The following CNTNAP5 variants were observed in gnomAD, a reference collection of about 807,000 sequenced individuals.
CNTNAP5 encodes contactin-associated protein-like 5.
In CNTNAP5, 72 loss-of-function variants were observed where a neutral mutation model predicts 150.2. That is an observed-to-expected ratio of 0.48 (90% CI 0.40 to 0.58). CNTNAP5 has a LOEUF of 0.58. Ranked by LOEUF, CNTNAP5 falls within the 20% of genes least tolerant of loss-of-function variation. The probability of loss-of-function intolerance (pLI) is 0.00; values close to 1 mark genes in which losing one functional copy is unlikely to be tolerated. For synonymous variants in CNTNAP5, 672 were observed against 619.8 expected, an observed-to-expected ratio of 1.08 and a Z score of -1.25; for missense variants, 1,636 against 1,626.2, an observed-to-expected ratio of 1.01 and a Z score of -0.10.
intron 13 of CNTNAP5, among the ~76,000 whole-genome samples, chr2:124,656,726 A>G (rs1471432794): frequency 6.6e-6 from 1 of 152,232 alleles, no homozygotes; most frequent in Non-Finnish European, 1.5e-5. Context: ...CCAAGAATCA[A>G]CACTCAGACA....
chr2:124,727,549 T>C (rs931990182), intron 13 of CNTNAP5, among the ~76,000 whole-genome samples: 2 of 152,152 alleles, frequency 1.3e-5, no homozygotes, highest in African/African-American at 4.8e-5. Context: ...GTTACATTTA[T>C]TTCTAAGTAA....
intron 17 of CNTNAP5, among the ~76,000 whole-genome samples, chr2:124,774,769 T>C (rs1573608732): frequency 6.6e-6 from 1 of 152,216 alleles, no homozygotes; most frequent in Admixed American, 6.6e-5. Flanking sequence ...GAAAGGTATA[T>C]ATAAAGACGG....
intron 3 of CNTNAP5, among the ~76,000 whole-genome samples, chr2:124,305,933 T>C (rs558065514): frequency 7.1e-4 from 108 of 152,314 alleles, no homozygotes; most frequent in African/African-American, 2.4e-3. Context: ...CATTTTATTA[T>C]TTGCCTATAT....
intron 14 of CNTNAP5, among the ~76,000 whole-genome samples, chr2:124,754,804 C>T (rs1027472301): frequency 9.2e-5 from 14 of 152,058 alleles, no homozygotes; most frequent in African/African-American, 2.9e-4. Flanking sequence ...CCTCACGCGT[C>T]GAACTCTCAA....
chr2:124,121,806 G>T, intron 1 of CNTNAP5, among the ~76,000 whole-genome samples: 1 of 152,152 alleles, frequency 6.6e-6, no homozygotes, highest in South Asian at 2.1e-4. Flanking sequence ...TCCCTTATAT[G>T]AACATCAGCT....
At chr2:124,211,584 G>C (rs1318248972) in intron 1 of CNTNAP5, among the ~76,000 whole-genome samples, 1 of 151,884 alleles carries the variant, frequency 6.6e-6, no homozygotes, top group Non-Finnish European at 1.5e-5. Flanking sequence ...CACTCCTTCT[G>C]TCTCTGGGCT....
intron 1 of CNTNAP5, among the ~76,000 whole-genome samples, chr2:124,135,338 C>A (rs969198722): frequency 2.6e-5 from 4 of 152,204 alleles, no homozygotes; most frequent in Non-Finnish European, 4.4e-5. Flanking sequence ...AGTTTTCCAC[C>A]AAAGCCAGAC....
At chr2:124,115,009 G>T (rs978696984) in intron 1 of CNTNAP5, among the ~76,000 whole-genome samples, 7 of 151,868 alleles carry the variant, frequency 4.6e-5, no homozygotes, top group Middle Eastern at 3.8e-3. Context: ...TATATCTAGA[G>T]ATCTAAATAT....
At chr2:124,862,676 C>T (rs1677550296) in intron 19 of CNTNAP5, among the ~76,000 whole-genome samples, 1 of 152,222 alleles carries the variant, frequency 6.6e-6, no homozygotes, top group South Asian at 2.1e-4. Flanking sequence ...AACAAAGCCA[C>T]TGAAGAAGAC....
rs1694534107 is a variant in CNTNAP5, at chr2:124,510,283, A to ATATATATC, written c.1327+5728_1327+5729insATATATCT. On this transcript the variant is annotated intron_variant, in intron 8 of 23. Transcript: ENST00000682447. ...TATATATCTATATATCTATATCTAT[A>ATATATATC]TCTATATATCTATATATCTATATAT... 4.5e-4 allele frequency among the ~76,000 whole-genome samples: 5 copies of ATATATATC among 11,074 alleles called. No individual in the cohort carries two copies. In the Admixed American group the frequency reaches 6.6e-3, roughly 15 times the overall value. The allele number at this position is 11,074 out of a possible 152,430, so 7.3% of individuals were successfully genotyped here.
rs149189262 is a variant in CNTNAP5 at position 124,120,631 on chromosome 2, G to A, written c.82+94899G>A. On this transcript the variant is annotated intron_variant, in intron 1 of 23. Coordinates refer to ENST00000682447, the MANE Select transcript of CNTNAP5 (RefSeq NM_001367498.1). ...TGTCCCAACCAACCAACCAAACCAC[G>A]TAAGGACAGAACCTCGACTGCAATG... Among the ~76,000 whole-genome samples the A allele has an allele frequency of 5.1e-4, 78 of 152,204 alleles. 1 individual carries two copies. The highest frequency in any genetic ancestry group is 6.8e-3 in the Middle Eastern group (2 of 294).
intron 1 of CNTNAP5, among the ~76,000 whole-genome samples, chr2:124,155,698 T>C (rs957224094): frequency 5.3e-5 from 8 of 152,314 alleles, no homozygotes; most frequent in African/African-American, 1.9e-4. Context: ...TTAACATGCA[T>C]AACTTGTAGA....
intron 11 of CNTNAP5, among the ~76,000 whole-genome samples, chr2:124,606,810 A>C (rs1188918386): frequency 6.6e-6 from 1 of 152,188 alleles, no homozygotes; most frequent in Non-Finnish European, 1.5e-5. Context: ...AGCTCAGGAA[A>C]GACCCGCCCC....
chr2:124,490,195 A>G (rs537733024), intron 7 of CNTNAP5, among the ~76,000 whole-genome samples: 2 of 152,136 alleles, frequency 1.3e-5, no homozygotes, highest in African/African-American at 4.8e-5. Flanking sequence ...TTAGCCAGGC[A>G]TGGTGGTGTA....
intron 13 of CNTNAP5, among the ~76,000 whole-genome samples, chr2:124,713,377 T>TTCTTTCTA: frequency 7.2e-6 from 1 of 139,228 alleles, no homozygotes; most frequent in African/African-American, 2.7e-5. Flanking sequence ...CTTTCTTTCT[T>TTCTTTCTA]TCTTCTCCCT....
intron 6 of CNTNAP5, among the ~76,000 whole-genome samples, chr2:124,468,337 G>A (rs2104827650): frequency 6.6e-6 from 1 of 152,234 alleles, no homozygotes; most frequent in South Asian, 2.1e-4. Context: ...TCAGCCTGTG[G>A]CAGAAGGCCC....
intron 11 of CNTNAP5, among the ~76,000 whole-genome samples, chr2:124,586,300 T>C (rs1504020): frequency 0.5 from 75,474 of 151,946 alleles, 19,198 homozygotes; most frequent in East Asian, 0.72. Flanking sequence ...GTCCCCAAAT[T>C]TTCTGAGTTA....
intron 1 of CNTNAP5, among the ~76,000 whole-genome samples, chr2:124,197,598 A>C (rs1278007050): frequency 3.3e-5 from 5 of 152,192 alleles, no homozygotes; most frequent in Non-Finnish European, 2.9e-5. Flanking sequence ...TTTACCTAGC[A>C]ATGGGATTTC....
At chr2:124,850,747 T>G (rs1056494658) in intron 19 of CNTNAP5, among the ~76,000 whole-genome samples, 9 of 151,706 alleles carry the variant, frequency 5.9e-5, no homozygotes, top group African/African-American at 2.2e-4. Context: ...AGAGAGAGAA[T>G]GAATGACCAG....
Sources: gnomAD v4.1 joint callset for allele counts (sites outside exome capture counted in the v4.1 genomes callset) on GRCh38, gnomAD v4.1.1 for gene constraint, MANE v1.5 for transcripts, NCBI Gene and HGNC (gene_info 2026-07-23, HGNC 2026-07-21) for gene names.